The following ANKS1A variants were observed in gnomAD, a reference collection of about 807,000 sequenced individuals.
ANKS1A encodes the protein ankyrin repeat and SAM domain-containing protein 1A.
Under a neutral mutation model 120.3 loss-of-function variants are expected in ANKS1A, and 55 were observed. The observed-to-expected ratio is 0.46, with a 90% confidence interval of 0.37 to 0.57. The LOEUF is 0.57. Among genes scored for constraint, ANKS1A ranks in the 20% least tolerant of loss-of-function variants. The pLI is 0.00. For synonymous variants in ANKS1A, 590 were observed against 604.7 expected (o/e 0.98, Z 0.36); for missense variants, 1,123 against 1,480.3 (o/e 0.76, Z 3.96).
At chr6:35,053,117 C>G (rs569119947) in intron 11 of ANKS1A, among the ~76,000 whole-genome samples, 16 of 152,200 alleles carry the variant, frequency 1.1e-4, no homozygotes, top group Non-Finnish European at 2.4e-4. Context: ...ATTGTCTGAC[C>G]CAGGCTCCTT....
intron 13 of ANKS1A, among the ~76,000 whole-genome samples, chr6:35,065,997 T>C (rs1170932669): frequency 6.6e-6 from 1 of 151,866 alleles, no homozygotes; most frequent in Non-Finnish European, 1.5e-5. Context: ...AACTCAAGAG[T>C]CTACTTAGTG....
intron 13 of ANKS1A, 106 bp from the exon 14 acceptor site, chr6:35,078,452 A>G: frequency 1.0e-6 from 1 of 961,386 alleles, no homozygotes; most frequent in East Asian, 2.4e-5. Context: ...TGGTGCCTGC[A>G]GTGAAGGAGA....
rs143903428 is a variant in ANKS1A, at chr6:35,074,849, C to T, written c.2185-3709C>T. 2.7e-3 allele frequency among the ~76,000 whole-genome samples: 408 copies of T among 152,332 alleles called. 1 individual carries two copies. The highest frequency in any genetic ancestry group is 9.5e-3 in the African/African-American group (393 of 41,570). The stretch of plus-strand genomic sequence containing the variant: ...TCTGGCAGTGTCCTCTGTGGGACAA[C>T]GTTTATGTCACCATGCACAGGCTCT... On this transcript the variant is annotated intron_variant, in intron 13 of 23. Coordinates refer to ENST00000360359, the MANE Select transcript of ANKS1A (RefSeq NM_015245.3).
At chr6:34,942,397 A>G (rs531106334) in intron 1 of ANKS1A, among the ~76,000 whole-genome samples, 31 of 152,368 alleles carry the variant, frequency 2.0e-4, no homozygotes, top group African/African-American at 6.2e-4. Context: ...ATTTGAGGTT[A>G]GTAGCTTAAA....
At position 34,942,931 on chromosome 6, in the gene ANKS1A, C is replaced by T. The variant is rs1420760496; in HGVS notation, c.198-24308C>T. Reference sequence around the variant, plus strand: ...TTTCCTTCCCTTTCCCCTTCCCTTCCCCCTCCTTTTCCTTTCCCCTTTCCC... The same window carrying T: ...TTTCCTTCCCTTTCCCCTTCCCTTCTCCCTCCTTTTCCTTTCCCCTTTCCC... On this transcript the variant is annotated intron_variant, in intron 1 of 23. Transcript: ENST00000360359. 5.3e-5 allele frequency among the ~76,000 whole-genome samples: 8 copies of T among 150,298 alleles called. No homozygotes were observed. In the Admixed American group the frequency reaches 5.3e-4, roughly 10 times the overall value.
Position 35,090,599 on chromosome 6 carries a change from T to G in ANKS1A, c.*1990T>G. ...TTCTGTTTAGAGATTGGTTTATTTC[T>G]GAATATTCAAGAAAGGAAAATGACT... On this transcript the variant is annotated 3_prime_UTR_variant, in exon 24 of 24. Coordinates refer to ENST00000360359, the MANE Select transcript of ANKS1A (RefSeq NM_015245.3). The G allele has an allele frequency of 1.0e-6, 1 of 991,288 alleles. No homozygotes were observed. Among genetic ancestry groups the G allele is most frequent in the Non-Finnish European group, 1.2e-6 (1 of 833,510 alleles). The allele number at this position is 991,288 out of a possible 1,614,324, so 61.4% of individuals were successfully genotyped here. A position where few individuals can be genotyped will look rare whatever the true frequency, so the allele number is the denominator to read the frequency against.
intron 11 of ANKS1A, among the ~76,000 whole-genome samples, chr6:35,025,141 A>G (rs1235202721): frequency 6.6e-6 from 1 of 151,994 alleles, no homozygotes; most frequent in Non-Finnish European, 1.5e-5. Flanking sequence ...TATTGAGGTA[A>G]TTTGTTCATA....
chr6:34,953,095 G>A (rs924783603), intron 1 of ANKS1A, among the ~76,000 whole-genome samples: 2 of 152,154 alleles, frequency 1.3e-5, no homozygotes, highest in African/African-American at 4.8e-5. Context: ...GCCTTTAGGT[G>A]TAGATTTTTC....
intron 11 of ANKS1A, among the ~76,000 whole-genome samples, chr6:35,033,751 T>G (rs536315986): frequency 8.0e-4 from 122 of 152,332 alleles, no homozygotes; most frequent in Non-Finnish European, 1.4e-3. Flanking sequence ...AAACAGAGAT[T>G]GATCTCAATG....
chr6:34,927,443 T>G (rs763131816), intron 1 of ANKS1A, among the ~76,000 whole-genome samples: 3 of 152,004 alleles, frequency 2.0e-5, no homozygotes, highest in Non-Finnish European at 4.4e-5. Context: ...CACTAAAGAT[T>G]AGTTTTTATA....
At chr6:34,943,260 C>A (rs1769621860) in intron 1 of ANKS1A, among the ~76,000 whole-genome samples, 1 of 152,272 alleles carries the variant, frequency 6.6e-6, no homozygotes, top group African/African-American at 2.4e-5. Flanking sequence ...CGGCCTACAG[C>A]AGTTTTAGGT....
At position 35,086,720 on chromosome 6, in the gene ANKS1A, A is replaced by G. The variant is rs1778008457; in HGVS notation, c.3304-232A>G. The stretch of plus-strand genomic sequence containing the variant: ...AGGACAGGGGTCCTTTAACTGAGCA[A>G]TCCCAAGAAATCCCGGAGAGAAGCT... On this transcript the variant is annotated intron_variant, in intron 22 of 23. Transcript: ENST00000360359. The surrounding 1 kb of genome is among the most constrained non-coding windows in gnomAD (Gnocchi z 5.1). 6.6e-6 allele frequency among the ~76,000 whole-genome samples: 1 copy of G among 152,108 alleles called. No homozygotes were observed.
rs987259254 is a variant in ANKS1A at position 35,078,596 on chromosome 6, C to T, written c.2223C>T (p.Ile741=). 1.9e-5 allele frequency: 31 copies of T among 1,608,730 alleles called. No individual in the cohort carries two copies. Among genetic ancestry groups the T allele is most frequent in the Middle Eastern group, 1.6e-4 (1 of 6,082 alleles). Residue 741 remains isoleucine, a synonymous_variant, in exon 14 of 24, where the codon ATC becomes ATT. Coordinates refer to ENST00000360359, the MANE Select transcript of ANKS1A (RefSeq NM_015245.3). ...TGGAAGAGCAGGACCTGCGGGACAT[C>T]GGCATCAGCGACCCACAGCACCGGC... ...NVMEEQDLRD[I]GISDPQHRRK...
downstream of ANKS1A, among the ~76,000 whole-genome samples, chr6:35,092,941 G>C (rs1478524327): frequency 6.6e-6 from 1 of 152,072 alleles, no homozygotes; most frequent in Non-Finnish European, 1.5e-5. Flanking sequence ...TTTCAAGCTG[G>C]AGCACTTTCC....
chr6:35,030,632 C>T (rs1373147336), intron 11 of ANKS1A, among the ~76,000 whole-genome samples: 2 of 152,222 alleles, frequency 1.3e-5, no homozygotes, highest in Non-Finnish European at 2.9e-5. Context: ...ACCCCCTCTA[C>T]CATCCACCGT....
chr6:35,082,658 A>C lies in ANKS1A; in HGVS notation c.2710-33A>C. On this transcript the variant is annotated intron_variant, in intron 17 of 23. Transcript: ENST00000360359. The surrounding 1 kb of genome is among the most constrained non-coding windows in gnomAD (Gnocchi z 4.1). ...CAAGCCCATGTGCTCCTCTGGAGCA[A>C]GGAGCAGGTGTCCAATTGCGTGTGT... The C allele has an allele frequency of 6.3e-7, 1 of 1,586,172 alleles. No homozygotes were observed. Among genetic ancestry groups the C allele is most frequent in the Non-Finnish European group, 8.6e-7 (1 of 1,165,278 alleles).
intron 3 of ANKS1A, among the ~76,000 whole-genome samples, chr6:34,978,372 G>A (rs760672920): frequency 2.0e-5 from 3 of 152,176 alleles, no homozygotes; most frequent in Non-Finnish European, 2.9e-5. Flanking sequence ...ATAGGATTTT[G>A]GAAACTCTGG....
At chr6:35,076,861 T>C (rs913994478) in intron 13 of ANKS1A, among the ~76,000 whole-genome samples, 6 of 152,220 alleles carry the variant, frequency 3.9e-5, no homozygotes, top group African/African-American at 1.4e-4. Flanking sequence ...AACTCCTGAC[T>C]TCAGGTGATC....
rs763120492 is a variant in ANKS1A at position 35,083,144 on chromosome 6, C to T, written c.2836-11C>T. ...GGATTTCCTAAGCCTGGCCACTGCT[C>T]GCCCCCACAGTATCTGGGCTCCATG... On this transcript the variant is annotated splice_polypyrimidine_tract_variant and intron_variant, in intron 18 of 23. Coordinates refer to ENST00000360359, the MANE Select transcript of ANKS1A (RefSeq NM_015245.3). 1.9e-6 allele frequency: 3 copies of T among 1,613,564 alleles called. No homozygotes were observed. Among genetic ancestry groups the T allele is most frequent in the East Asian group, 2.2e-5 (1 of 44,858 alleles).
Sources: gnomAD v4.1 joint callset for allele counts (sites outside exome capture counted in the v4.1 genomes callset) on GRCh38, gnomAD v4.1.1 for gene constraint, Gnocchi (gnomAD v3.1) non-coding constraint, MANE v1.5 for transcripts, NCBI Gene and HGNC (gene_info 2026-07-23, HGNC 2026-07-21) for gene names.